GRID2: variants seen among roughly 807,000 people sequenced by gnomAD.
GRID2 encodes the protein glutamate receptor ionotropic, delta-2.
In GRID2, 33 loss-of-function variants were observed where a neutral mutation model predicts 114.8. That is an observed-to-expected ratio of 0.29 (90% CI 0.22 to 0.38). The LOEUF (loss-of-function observed/expected upper bound fraction) is 0.38, where lower values mean the gene tolerates loss of function less well. Among genes scored for constraint, GRID2 ranks in the 10% least tolerant of loss-of-function variants. The pLI is 1.00. For missense variants in GRID2, 1,184 were observed against 1,257.7 expected, an observed-to-expected ratio of 0.94 and a Z score of 0.89; for synonymous variants, 505 against 449.9, an observed-to-expected ratio of 1.12 and a Z score of -1.55.
At chr4:92,521,184 G>A (rs1445227499) in intron 1 of GRID2, among the ~76,000 whole-genome samples, 6 of 151,712 alleles carry the variant, frequency 4.0e-5, no homozygotes, top group Admixed American at 6.6e-5. Context: ...CATATCATTT[G>A]CAAAGAATTC....
At chr4:92,632,944 A>C (rs1446155302) in intron 2 of GRID2, among the ~76,000 whole-genome samples, 3 of 152,188 alleles carry the variant, frequency 2.0e-5, no homozygotes, top group African/African-American at 7.2e-5. Flanking sequence ...ATATAAAATC[A>C]TTTACTGCCA....
At chr4:93,508,646 G>A (rs968926117) in intron 12 of GRID2, among the ~76,000 whole-genome samples, 1 of 152,162 alleles carries the variant, frequency 6.6e-6, no homozygotes, top group Non-Finnish European at 1.5e-5. Context: ...TAGTGAAGAA[G>A]ACCACCATAA....
At chr4:92,467,251 T>C (rs893599548) in intron 1 of GRID2, among the ~76,000 whole-genome samples, 1 of 151,984 alleles carries the variant, frequency 6.6e-6, no homozygotes, top group Non-Finnish European at 1.5e-5. Flanking sequence ...GTTTTAAAAA[T>C]GTTGAAAAGC....
At chr4:92,989,863 A>T (rs1014855446) in intron 2 of GRID2, among the ~76,000 whole-genome samples, 6 of 152,168 alleles carry the variant, frequency 3.9e-5, no homozygotes, top group Admixed American at 3.9e-4. Context: ...ACATCCGTTT[A>T]TATGAAAGAA....
chr4:93,289,723 T>A (rs1753538562), intron 8 of GRID2, among the ~76,000 whole-genome samples: 1 of 152,210 alleles, frequency 6.6e-6, no homozygotes, highest in African/African-American at 2.4e-5. Flanking sequence ...TCTGTGTTGC[T>A]AAGGCCTATT....
In GRID2 at chr4:93,483,859, G is replaced by T. The variant is rs547696597; in HGVS notation, c.1859-6780G>T. Among the ~76,000 whole-genome samples the T allele has an allele frequency of 2.0e-5, 3 of 151,876 alleles. No homozygotes were observed. The East Asian group carries it at 5.9e-4, about 30-fold the overall frequency. ...ATCCAAATACCCAACTTCAGAGTCA[G>T]ACCTTTGCACACTCTGAAGTGTCAT... On this transcript the variant is annotated intron_variant, in intron 11 of 15. Transcript: ENST00000282020.
intron 2 of GRID2, among the ~76,000 whole-genome samples, chr4:92,965,498 A>T (rs1753100051): frequency 7.0e-6 from 1 of 142,458 alleles, no homozygotes; most frequent in Admixed American, 7.0e-5. Context: ...AACACACAAC[A>T]TCTGGGAAAT....
At chr4:93,020,769 A>G (rs113903646) in intron 2 of GRID2, among the ~76,000 whole-genome samples, 160 of 152,292 alleles carry the variant, frequency 1.1e-3, no homozygotes, top group African/African-American at 3.7e-3. Flanking sequence ...GCGGTGGCAC[A>G]TGCCTGTAAT....
chr4:93,686,620 A>G (rs79297650), intron 14 of GRID2, among the ~76,000 whole-genome samples: 6,252 of 152,102 alleles, frequency 0.041, 194 homozygotes, highest in African/African-American at 0.081. Context: ...GATGTTTGCA[A>G]TTTTAAAACG....
At position 93,271,301 on chromosome 4, in the gene GRID2, G is replaced by A. The variant is rs183104362; in HGVS notation, c.1245+32811G>A. On this transcript the variant is annotated intron_variant, in intron 8 of 15. Transcript: ENST00000282020. ...GTAATGAGAACATCCATAAAAATGT[G>A]TGCAATGCTGGGAGGTGGGGGAATG... is the stretch of plus-strand genomic sequence containing the variant. Among the ~76,000 whole-genome samples the A allele has an allele frequency of 3.3e-5, 5 of 152,242 alleles. No homozygotes were observed. The East Asian group carries it at 9.7e-4, about 29-fold the overall frequency.
At chr4:93,296,239 A>G (rs1449423101) in intron 8 of GRID2, among the ~76,000 whole-genome samples, 1 of 152,150 alleles carries the variant, frequency 6.6e-6, no homozygotes, top group African/African-American at 2.4e-5. Context: ...TTTCTTGTGT[A>G]TATCAAATCT....
intron 2 of GRID2, among the ~76,000 whole-genome samples, chr4:92,887,864 C>T (rs1328878520): frequency 6.6e-6 from 1 of 152,138 alleles, no homozygotes; most frequent in Non-Finnish European, 1.5e-5. Context: ...TTTTCTAACT[C>T]ATTGTCTTTA....
chr4:92,451,352 A>G (rs1720915064), intron 1 of GRID2, among the ~76,000 whole-genome samples: 1 of 152,198 alleles, frequency 6.6e-6, no homozygotes, highest in South Asian at 2.1e-4. Flanking sequence ...CAATTTAGAA[A>G]GGATTCATCT....
chr4:93,480,164 ATAG>A (rs768275627), intron 11 of GRID2, among the ~76,000 whole-genome samples: 8 of 152,110 alleles, frequency 5.3e-5, no homozygotes, highest in Admixed American at 3.3e-4. Context: ...TAAATAAGCT[ATAG>A]TAGAACTGAC....
chr4:93,370,159 TCTC>T (rs1426790017), intron 8 of GRID2, among the ~76,000 whole-genome samples: 1 of 152,008 alleles, frequency 6.6e-6, no homozygotes, highest in Non-Finnish European at 1.5e-5. Flanking sequence ...ATGCTATCCT[TCTC>T]CTTCCATACA....
At chr4:92,530,406 C>T (rs1004760910) in intron 1 of GRID2, among the ~76,000 whole-genome samples, 2 of 149,838 alleles carry the variant, frequency 1.3e-5, no homozygotes, top group African/African-American at 2.5e-5. Flanking sequence ...AAAAATCACC[C>T]TAACGTTTTC....
intron 2 of GRID2, among the ~76,000 whole-genome samples, chr4:92,795,129 A>C (rs1321883785): frequency 6.6e-6 from 1 of 151,638 alleles, no homozygotes; most frequent in African/African-American, 2.4e-5. Context: ...GTGGCAGAGC[A>C]GAACAGGTGG....
At chr4:93,435,392 GC>G (rs1223730043) in intron 10 of GRID2, among the ~76,000 whole-genome samples, 1 of 152,052 alleles carries the variant, frequency 6.6e-6, no homozygotes, top group East Asian at 1.9e-4. Context: ...TACACTTTGA[GC>G]TTTTGTTCCT....
chr4:93,240,659 A>G (rs540599527), intron 8 of GRID2, among the ~76,000 whole-genome samples: 9 of 150,286 alleles, frequency 6.0e-5, no homozygotes, highest in Non-Finnish European at 1.3e-4. Context: ...CTAAGAAATT[A>G]CTCCCTATCC....
Sources: gnomAD v4.1 joint callset for allele counts (sites outside exome capture counted in the v4.1 genomes callset) on GRCh38, gnomAD v4.1.1 for gene constraint, MANE v1.5 for transcripts, NCBI Gene and HGNC (gene_info 2026-07-23, HGNC 2026-07-21) for gene names.